PACSIN3: variants seen among roughly 807,000 people sequenced by gnomAD.
PACSIN3 encodes protein kinase C and casein kinase substrate in neurons protein 3.
Under a neutral mutation model 56.1 loss-of-function variants are expected in PACSIN3, and 34 were observed. The ratio of observed to expected loss-of-function variants is 0.61; its 90% CI spans 0.46 to 0.81. The LOEUF is 0.81. Ranked by LOEUF, PACSIN3 falls within the 30% of genes least tolerant of loss-of-function variation. The pLI, the probability that PACSIN3 is intolerant of heterozygous loss-of-function variation, is 0.00. For synonymous variants in PACSIN3, 218 were observed against 229.8 expected (o/e 0.95, Z 0.46); for missense variants, 535 against 592.4 (o/e 0.90, Z 1.01).
In PACSIN3 at chr11:47,179,654, C is replaced by G; in HGVS notation, c.604-68G>C. ...CCACCCAGGACTCCACCAGTGTTTACCAGACACTGCCATAGGCTGCTAGAC... is the reference window on the plus strand; with the variant it reads ...CCACCCAGGACTCCACCAGTGTTTAGCAGACACTGCCATAGGCTGCTAGAC... On this transcript the variant is annotated intron_variant, in intron 6 of 10. Coordinates refer to ENST00000298838, the MANE Select transcript of PACSIN3 (RefSeq NM_016223.5). The surrounding 1 kb of genome is among the most constrained non-coding windows in gnomAD (Gnocchi z 4.4). 6.8e-7 allele frequency: 1 copy of G among 1,472,688 alleles called. No homozygotes were observed. The highest frequency in any genetic ancestry group is 9.3e-7 in the Non-Finnish European group (1 of 1,075,296). 91.2% of individuals were successfully genotyped at this position (1,472,688 alleles called of 1,614,324 possible).
At chr11:47,185,808 CACGCGGAGCG>C (rs1953109759) in intron 1 of PACSIN3, 1 of 152,364 alleles carries the variant, frequency 6.6e-6, no homozygotes, top group Non-Finnish European at 1.5e-5. Context: ...CCCGTGGAGC[CACGCGGAGCG>C]GCAGGGCCAG....
Position 47,186,400 on chromosome 11 carries a change from C to G in PACSIN3, c.-155G>C, listed in dbSNP as rs1475467773. Reference sequence around the variant, plus strand: ...GTGGGGGTCCGGCCACGCTCCGGCCCGAGTCCTGCCGCTCCTGGGCCCGCG... The same window carrying G: ...GTGGGGGTCCGGCCACGCTCCGGCCGGAGTCCTGCCGCTCCTGGGCCCGCG... On this transcript the variant is annotated 5_prime_UTR_variant, in exon 1 of 11. Coordinates refer to ENST00000298838, the MANE Select transcript of PACSIN3 (RefSeq NM_016223.5). This position sits in a 1 kb window ranked among gnomAD's most constrained non-coding sequence, Gnocchi z 4.5. 1.3e-5 allele frequency: 2 copies of G among 151,234 alleles called. No individual in the cohort carries two copies. Among genetic ancestry groups the G allele is most frequent in the African/African-American group, 2.4e-5 (1 of 41,432 alleles). The allele number at this position is 151,234 out of a possible 1,614,324, so 9.4% of individuals were successfully genotyped here. A position where few individuals can be genotyped will look rare whatever the true frequency, so the allele number is the denominator to read the frequency against.
chr11:47,180,365 G>C, intron 5 of PACSIN3, 24 bp from the exon 6 acceptor site: 1 of 1,601,170 alleles, frequency 6.2e-7, no homozygotes, highest in East Asian at 2.2e-5. Context: ...AGACCACTCT[G>C]GACCCTGGAT....
Position 47,178,597 on chromosome 11 carries a change from G to T in PACSIN3, c.1038-110C>A. ...CCTACCCCCAGAGGCACCTGGGAGAGTCAGGTGAGGTACTAAAGATTCTAG... is the reference window on the plus strand; with the variant it reads ...CCTACCCCCAGAGGCACCTGGGAGATTCAGGTGAGGTACTAAAGATTCTAG... On this transcript the variant is annotated intron_variant, in intron 9 of 10. Coordinates refer to ENST00000298838, the MANE Select transcript of PACSIN3 (RefSeq NM_016223.5). The surrounding 1 kb of genome is among the most constrained non-coding windows in gnomAD (Gnocchi z 4.2). 7.4e-7 allele frequency: 1 copy of T among 1,357,720 alleles called. No homozygotes were observed. Among genetic ancestry groups the T allele is most frequent in the Non-Finnish European group, 1.0e-6 (1 of 1,000,704 alleles). The allele number at this position is 1,357,720 out of a possible 1,614,324, so 84.1% of individuals were successfully genotyped here. A position where few individuals can be genotyped will look rare whatever the true frequency, so the allele number is the denominator to read the frequency against.
In PACSIN3 at chr11:47,182,533, C is replaced by G. The variant is rs968160177; in HGVS notation, c.81G>C (p.Gln27His). 3.1e-6 allele frequency: 5 copies of G among 1,612,838 alleles called. No individual in the cohort carries two copies. The African/African-American group carries it at 6.7e-5, about 22-fold the overall frequency. The change falls in exon 4 of 11, where the codon CAG becomes CAC. Residue 27 changes from glutamine (Q) to histidine (H), a missense_variant. Physicochemically the swap from Gln to His is conservative, Grantham distance 24. Transcript: ENST00000298838. ...WEAGNYRRTVQRVEDGHRLCG... is the reference protein window; with the variant it reads ...WEAGNYRRTVHRVEDGHRLCG... Reference sequence around the variant, plus strand: ...ACAGCCGGTGCCCGTCCTCCACCCGCTGTACCGTGCGCCTGTAGTTGCCAG... The same window carrying G: ...ACAGCCGGTGCCCGTCCTCCACCCGGTGTACCGTGCGCCTGTAGTTGCCAG...
chr11:47,183,911 A>T (rs985610473), intron 1 of PACSIN3, among the ~76,000 whole-genome samples: 22 of 152,104 alleles, frequency 1.4e-4, no homozygotes, highest in African/African-American at 5.1e-4. Context: ...AGTCCCAGCT[A>T]CTTAGGAGGC....
intron 1 of PACSIN3, among the ~76,000 whole-genome samples, chr11:47,183,907 A>C (rs1394171040): frequency 6.6e-6 from 1 of 152,128 alleles, no homozygotes; most frequent in Admixed American, 6.5e-5. Flanking sequence ...CTGTAGTCCC[A>C]GCTACTTAGG....
chr11:47,180,284 T>G lies in PACSIN3; in HGVS notation c.505A>C (p.Thr169Pro). The G allele has an allele frequency of 6.2e-7, 1 of 1,603,222 alleles. No individual in the cohort carries two copies. The highest frequency in any genetic ancestry group is 1.6e-4 in the Middle Eastern group (1 of 6,062). Reference protein sequence around the residue: ...AARKDEKTAQTRESHAKADSA... With the variant: ...AARKDEKTAQPRESHAKADSA... ...TCTGCCTTTGCGTGGCTCTCCCTCG[T>G]CTGGGCGGTCTTCTCATCCTTCCGG... Residue 169 changes from threonine (T) to proline (P), a missense_variant, in exon 6 of 11, where the codon ACG becomes CCG. Thr to Pro is a conservative substitution (Grantham distance 38). Coordinates refer to ENST00000298838, the MANE Select transcript of PACSIN3 (RefSeq NM_016223.5).
Position 47,183,608 on chromosome 11 carries a change from A to G in PACSIN3, c.-103-539T>C, listed in dbSNP as rs528272063. Among the ~76,000 whole-genome samples the G allele has an allele frequency of 5.3e-5, 8 of 151,844 alleles. No homozygotes were observed. In the South Asian group the frequency reaches 1.7e-3, roughly 32 times the overall value. ...TGCAGTCACGGAAGATACTCATCTC[A>G]CTCCACACATCCACTGAGGGCCCGC... On this transcript the variant is annotated intron_variant, in intron 1 of 10. Transcript: ENST00000298838.
chr11:47,180,027 T>C (rs1590972177), intron 6 of PACSIN3, among the ~76,000 whole-genome samples, 159 bp downstream of exon 6: 1 of 152,194 alleles, frequency 6.6e-6, no homozygotes, highest in Non-Finnish European at 1.5e-5. Flanking sequence ...CATCACCTTT[T>C]GTCAGGTTCC....
In PACSIN3 at chr11:47,182,984, C is replaced by T. The variant is rs931600310; in HGVS notation, c.-38+20G>A. On this transcript the variant is annotated intron_variant, in intron 2 of 10. Transcript: ENST00000298838. ...CTTCCTCTCACTGCTCTGCACTTCC[C>T]CCCCCGCCCCCCCACATACCTGGGG... 9.3e-6 allele frequency: 4 copies of T among 428,584 alleles called. No individual in the cohort carries two copies. The highest frequency in any genetic ancestry group is 5.0e-5 in the South Asian group (1 of 19,836). The allele number at this position is 428,584 out of a possible 1,614,324, so 26.5% of individuals were successfully genotyped here. A position where few individuals can be genotyped will look rare whatever the true frequency, so the allele number is the denominator to read the frequency against.
rs764479194 is a variant in PACSIN3, at chr11:47,178,889, C to A, written c.1037+5G>T. 1.2e-6 allele frequency: 2 copies of A among 1,613,684 alleles called. No homozygotes were observed. The highest frequency in any genetic ancestry group is 1.3e-5 in the African/African-American group (1 of 74,936). The stretch of plus-strand genomic sequence containing the variant: ...CTTTGCCACAGCCGCGCTCCTGGCT[C>A]TCACCCTGGGGACCCCGGGGACTGG... On this transcript the variant is annotated splice_donor_5th_base_variant and intron_variant, in intron 9 of 10. Coordinates refer to ENST00000298838, the MANE Select transcript of PACSIN3 (RefSeq NM_016223.5). This position sits in a 1 kb window ranked among gnomAD's most constrained non-coding sequence, Gnocchi z 4.2.
At chr11:47,180,425 G>A (rs1952997361) in intron 5 of PACSIN3, 30 bp downstream of exon 5, 3 of 1,592,760 alleles carry the variant, frequency 1.9e-6, no homozygotes, top group African/African-American at 2.7e-5. Context: ...GAAGGAGCCT[G>A]TCTCGGATAC....
rs1952995163 is a variant in PACSIN3 at position 47,180,330 on chromosome 11, G to A, written c.459C>T (p.Ser153=). The A allele has an allele frequency of 6.2e-7, 1 of 1,601,910 alleles. No homozygotes were observed. Among genetic ancestry groups the A allele is most frequent in the Non-Finnish European group, 8.5e-7 (1 of 1,179,960 alleles). ...WLKRLKEVEA[S]KKSYHAARKD... is the part of the protein sequence containing the mutation. ...TCCGGGCTGCGTGGTAGCTTTTCTTGGAAGCCTCAACCTGGCATGCATGGA... is the reference window on the plus strand; with the variant it reads ...TCCGGGCTGCGTGGTAGCTTTTCTTAGAAGCCTCAACCTGGCATGCATGGA... The change falls in exon 6 of 11, where the codon TCC becomes TCT. Residue 153 remains serine (S), a synonymous_variant. Coordinates refer to ENST00000298838, the MANE Select transcript of PACSIN3 (RefSeq NM_016223.5).
rs371598454 is a variant in PACSIN3, at chr11:47,179,391, G to A, written c.779+20C>T. On this transcript the variant is annotated intron_variant, in intron 7 of 10. Coordinates refer to ENST00000298838, the MANE Select transcript of PACSIN3 (RefSeq NM_016223.5). The surrounding 1 kb of genome is among the most constrained non-coding windows in gnomAD (Gnocchi z 4.4). ...ACCCAGTACTACCCCAGATCTCCAT[G>A]CCCACCAGGCAGTTCATACTTCTCA... The A allele has an allele frequency of 1.2e-5, 19 of 1,613,540 alleles. No homozygotes were observed. Among genetic ancestry groups the A allele is most frequent in the Non-Finnish European group, 1.5e-5 (18 of 1,179,782 alleles).
In PACSIN3 at chr11:47,178,934, C is replaced by G. The variant is rs769222779; in HGVS notation, c.997G>C (p.Asp333His). 5 of 1,614,054 alleles carry G rather than the reference C, an allele frequency of 3.1e-6. No individual in the cohort carries two copies. The South Asian group carries it at 3.3e-5, about 11-fold the overall frequency. The change falls in exon 9 of 11, where the codon GAT becomes CAT. Residue 333 changes from aspartate to histidine, a missense_variant. Physicochemically the swap from Asp to His is moderately conservative, Grantham distance 81. Transcript: ENST00000298838. This position sits in a 1 kb window ranked among gnomAD's most constrained non-coding sequence, Gnocchi z 4.2. ...VTLTSIVPTR[D>H]GTAPPPQSPG... ...GACTGGGGTGGGGGTGCGGTGCCAT[C>G]TCTTGTAGGCACAATGCTGGTCAGG...
chr11:47,179,551 C>T lies in PACSIN3; in HGVS notation c.639G>A (p.Leu213=). The change falls in exon 7 of 11, where the codon CTG becomes CTA. Residue 213 remains leucine, a synonymous_variant. Coordinates refer to ENST00000298838, the MANE Select transcript of PACSIN3 (RefSeq NM_016223.5). This position sits in a 1 kb window ranked among gnomAD's most constrained non-coding sequence, Gnocchi z 4.4. The part of the protein sequence containing the change: ...KAQYEQTLAE[L]HRYTPRYMED... Reference sequence around the variant, plus strand: ...CCATGTAGCGTGGAGTGTAGCGATGCAGCTCTGCCAGCGTCTGCTCATACT... The same window carrying T: ...CCATGTAGCGTGGAGTGTAGCGATGTAGCTCTGCCAGCGTCTGCTCATACT... 6.2e-7 allele frequency: 1 copy of T among 1,613,786 alleles called. No homozygotes were observed. Among genetic ancestry groups the T allele is most frequent in the Non-Finnish European group, 8.5e-7 (1 of 1,180,026 alleles).
At position 47,179,282 on chromosome 11, in the gene PACSIN3, A is replaced by G. The variant is rs1176567979; in HGVS notation, c.780-3T>C. The G allele has an allele frequency of 6.2e-7, 1 of 1,613,848 alleles. No homozygotes were observed. Among genetic ancestry groups the G allele is most frequent in the East Asian group, 2.2e-5 (1 of 44,860 alleles). ...AGTCACGGTGGAGTTCATGGAACCT[A>G]TGACCCAAGGCACACCCCTCAGTCT... On this transcript the variant is annotated splice_polypyrimidine_tract_variant and splice_region_variant and intron_variant, in intron 7 of 10. Transcript: ENST00000298838. This position sits in a 1 kb window ranked among gnomAD's most constrained non-coding sequence, Gnocchi z 4.4.
At position 47,178,144 on chromosome 11, in the gene PACSIN3, C is replaced by T. The variant is rs1236465376; in HGVS notation, c.1160-98G>A. 22 of 1,251,082 alleles carry T rather than the reference C, an allele frequency of 1.8e-5. No homozygotes were observed. Among genetic ancestry groups the T allele is most frequent in the Non-Finnish European group, 2.4e-5 (21 of 883,506 alleles). The allele number at this position is 1,251,082 out of a possible 1,614,324, so 77.5% of individuals were successfully genotyped here. A position where few individuals can be genotyped will look rare whatever the true frequency, so the allele number is the denominator to read the frequency against. On this transcript the variant is annotated intron_variant, in intron 10 of 10. Coordinates refer to ENST00000298838, the MANE Select transcript of PACSIN3 (RefSeq NM_016223.5). The surrounding 1 kb of genome is among the most constrained non-coding windows in gnomAD (Gnocchi z 4.2). ...GAGGGGGATGGTGTGGTCCCAGAGCCCAGCTAGCAAAGACATGGCTCAGGC... is the reference window on the plus strand; with the variant it reads ...GAGGGGGATGGTGTGGTCCCAGAGCTCAGCTAGCAAAGACATGGCTCAGGC...
Sources: gnomAD v4.1 joint callset for allele counts (sites outside exome capture counted in the v4.1 genomes callset) on GRCh38, gnomAD v4.1.1 for gene constraint, Gnocchi (gnomAD v3.1) non-coding constraint, MANE v1.5 for transcripts, NCBI Gene and HGNC (gene_info 2026-07-23, HGNC 2026-07-21) for gene names.